TAOK1: variants seen among roughly 807,000 people sequenced by gnomAD.
TAOK1 encodes the protein TAO kinase 1, also known as serine/threonine-protein kinase TAO1.
TAOK1 carries 21 observed loss-of-function variants against 138.3 expected under a neutral mutation model. The ratio of observed to expected loss-of-function variants is 0.15; its 90% CI spans 0.11 to 0.22. The LOEUF is 0.22. Among genes scored for constraint, TAOK1 ranks in the 10% least tolerant of loss-of-function variants. The pLI, the probability that TAOK1 is intolerant of heterozygous loss-of-function variation, is 1.00. For missense variants in TAOK1, 651 were observed against 1,227.7 expected (o/e 0.53, Z 7.02); for synonymous variants, 361 against 398.4 (o/e 0.91, Z 1.12).
In TAOK1 at chr17:29,534,236, A is replaced by G; in HGVS notation, c.2480A>G (p.His827Arg). The change falls in exon 19 of 20, where the codon CAT becomes CGT. Residue 827 changes from histidine to arginine, a missense_variant. Transcript: ENST00000261716. ...SKIKMQAEAQ[H>R]DRELRELEQR... ...ATCAAGATGCAAGCTGAGGCACAAC[A>G]TGATCGAGAGCTTCGCGAGCTTGAA... The G allele has an allele frequency of 1.9e-6, 3 of 1,613,430 alleles. No individual in the cohort carries two copies. Among genetic ancestry groups the G allele is most frequent in the African/African-American group, 1.3e-5 (1 of 75,014 alleles).
At chr17:29,442,720 C>T (rs760462689) in intron 1 of TAOK1, among the ~76,000 whole-genome samples, 3 of 152,110 alleles carry the variant, frequency 2.0e-5, no homozygotes, top group Non-Finnish European at 4.4e-5. Context: ...CTACAAAAAT[C>T]TAGTGGTATA....
chr17:29,465,355 T>G (rs912643302), intron 2 of TAOK1, among the ~76,000 whole-genome samples: 2 of 151,898 alleles, frequency 1.3e-5, no homozygotes, highest in African/African-American at 2.4e-5. Context: ...TTTCACCATG[T>G]TGGTCAGGCT....
At chr17:29,524,841 G>A (rs1009600046) in intron 17 of TAOK1, among the ~76,000 whole-genome samples, 5 of 152,112 alleles carry the variant, frequency 3.3e-5, no homozygotes, top group African/African-American at 9.7e-5. Flanking sequence ...CTATGGAAAG[G>A]GTTGGGTGAA....
At chr17:29,534,427 C>T in intron 19 of TAOK1, 127 bp downstream of exon 19, 1 of 850,650 alleles carries the variant, frequency 1.2e-6, no homozygotes, top group Non-Finnish European at 1.7e-6. Context: ...TTCCTGAATT[C>T]TAGTTATGGC....
intron 14 of TAOK1, 124 bp downstream of exon 14, chr17:29,508,256 A>G: frequency 1.3e-6 from 1 of 775,002 alleles, no homozygotes; most frequent in South Asian, 1.7e-5. Context: ...GAAAAGGAGA[A>G]GCATTTATGT....
In TAOK1 at chr17:29,545,638, T is replaced by G. The variant is rs1293329585; in HGVS notation, c.*2616T>G. 3 of 152,174 alleles carry G rather than the reference T, an allele frequency of 2.0e-5. No individual in the cohort carries two copies. The highest frequency in any genetic ancestry group is 4.4e-5 in the Non-Finnish European group (3 of 68,008). The allele number at this position is 152,174 out of a possible 1,614,324, so 9.4% of individuals were successfully genotyped here. ...TTTGCAAAAAATGATTCAAATTAAT[T>G]GGTTTGTATATGTTTGTGAGATCTA... is the stretch of plus-strand genomic sequence containing the variant. On this transcript the variant is annotated 3_prime_UTR_variant, in exon 20 of 20. Coordinates refer to ENST00000261716, the MANE Select transcript of TAOK1 (RefSeq NM_020791.4).
rs192794567 is a variant in TAOK1, at chr17:29,492,111, C to G, written c.831+246C>G. Reference sequence around the variant, plus strand: ...CATTGCCCAGGCTGATATCGAACTCCTGGGCTCAAGTGATCCACACCTGCC... The same window carrying G: ...CATTGCCCAGGCTGATATCGAACTCGTGGGCTCAAGTGATCCACACCTGCC... On this transcript the variant is annotated intron_variant, in intron 10 of 19. Transcript: ENST00000261716. Among the ~76,000 whole-genome samples, 622 of 152,194 alleles carry G rather than the reference C, an allele frequency of 4.1e-3. 2 individuals carry two copies. The highest frequency in any genetic ancestry group is 7.1e-3 in the Non-Finnish European group (483 of 68,016).
At chr17:29,402,444 A>T (rs1904876636) in intron 1 of TAOK1, among the ~76,000 whole-genome samples, 2 of 152,058 alleles carry the variant, frequency 1.3e-5, no homozygotes, top group Non-Finnish European at 2.9e-5. Context: ...CTGAGACTAC[A>T]GTCATGCGCC....
intron 1 of TAOK1, among the ~76,000 whole-genome samples, chr17:29,442,925 C>T (rs1471381025): frequency 1.3e-5 from 2 of 152,018 alleles, no homozygotes; most frequent in Admixed American, 6.6e-5. Flanking sequence ...AAGCCTGATT[C>T]GTCCTATAAT....
At chr17:29,428,557 T>C (rs1172371471) in intron 1 of TAOK1, among the ~76,000 whole-genome samples, 1 of 152,160 alleles carries the variant, frequency 6.6e-6, no homozygotes, top group East Asian at 1.9e-4. Context: ...TATATGATAG[T>C]GAGCAAATTA....
chr17:29,395,646 C>CTTTTTTTTTTTTTTTTTTTTTTTTTT (rs10591199), intron 1 of TAOK1, among the ~76,000 whole-genome samples: 1 of 129,762 alleles, frequency 7.7e-6, no homozygotes, highest in Non-Finnish European at 1.6e-5. Context: ...GGTATGTGTA[C>CTTTTTTTTTTTTTTTTTTTTTTTTTT]TTTTTTTTTT....
intron 2 of TAOK1, among the ~76,000 whole-genome samples, chr17:29,464,100 T>G (rs1229652606): frequency 1.3e-5 from 2 of 152,014 alleles, no homozygotes; most frequent in East Asian, 3.8e-4. Flanking sequence ...AAATTACTGC[T>G]TAGGTCTGGG....
intron 6 of TAOK1, among the ~76,000 whole-genome samples, chr17:29,479,145 CA>C (rs373418404): frequency 0.01 from 846 of 83,012 alleles, 7 homozygotes; most frequent in African/African-American, 0.027. Context: ...AACTCTGTCT[CA>C]AAAAAAAAAA....
chr17:29,532,730 C>A (rs1388853316), intron 18 of TAOK1, among the ~76,000 whole-genome samples: 1 of 152,090 alleles, frequency 6.6e-6, no homozygotes, highest in African/African-American at 2.4e-5. Flanking sequence ...AATGAAAAGT[C>A]TCCCATGTCT....
intron 3 of TAOK1, among the ~76,000 whole-genome samples, chr17:29,474,530 CAG>C (rs1355109178): frequency 6.6e-6 from 1 of 152,038 alleles, no homozygotes; most frequent in Non-Finnish European, 1.5e-5. Flanking sequence ...TATTGTGTCT[CAG>C]AGAATAGGGA....
intron 1 of TAOK1, among the ~76,000 whole-genome samples, chr17:29,397,847 ATATG>A (rs977586777): frequency 4.0e-5 from 6 of 151,056 alleles, no homozygotes; most frequent in Non-Finnish European, 8.8e-5. Flanking sequence ...GTATATATAT[ATATG>A]TATGTCACCA....
chr17:29,440,639 G>A (rs1034003225), intron 1 of TAOK1, among the ~76,000 whole-genome samples: 18 of 151,488 alleles, frequency 1.2e-4, no homozygotes, highest in Non-Finnish European at 4.4e-5. Context: ...GCAGTCACGC[G>A]ATCTCAGCTT....
chr17:29,448,359 A>G (rs1785722792), intron 1 of TAOK1, among the ~76,000 whole-genome samples: 1 of 152,210 alleles, frequency 6.6e-6, no homozygotes, highest in Admixed American at 6.5e-5. Context: ...TTTAGCAGTA[A>G]TGTTTATGGT....
At chr17:29,437,942 C>T (rs1381926324) in intron 1 of TAOK1, among the ~76,000 whole-genome samples, 1 of 152,060 alleles carries the variant, frequency 6.6e-6, no homozygotes, top group East Asian at 1.9e-4. Flanking sequence ...TCATGTTGGC[C>T]AGGCTGGTCT....
Sources: allele counts gnomAD v4.1 joint callset (sites outside exome capture counted in the v4.1 genomes callset), GRCh38; gene constraint gnomAD v4.1.1; transcripts MANE v1.5; gene names NCBI Gene and HGNC (gene_info 2026-07-23, HGNC 2026-07-21).